PDE11A: variants seen among roughly 807,000 people sequenced by gnomAD.
PDE11A encodes phosphodiesterase 11A.
A neutral mutation model predicts 100.5 loss-of-function variants in PDE11A; 100 were observed. That is an observed-to-expected ratio of 1.00 (90% CI 0.85 to 1.18). PDE11A has a LOEUF of 1.18. Ranked by LOEUF, PDE11A falls within the 50% of genes most tolerant of loss-of-function variation. The pLI, the probability that PDE11A is intolerant of heterozygous loss-of-function variation, is 0.00. For missense variants in PDE11A, 1,141 were observed against 1,152.6 expected, an observed-to-expected ratio of 0.99 and a Z score of 0.15; for synonymous variants, 381 against 420.8, an observed-to-expected ratio of 0.91 and a Z score of 1.16.
intron 1 of PDE11A, among the ~76,000 whole-genome samples, chr2:178,052,586 G>T (rs1459965241): frequency 6.6e-6 from 1 of 151,394 alleles, no homozygotes; most frequent in East Asian, 1.9e-4. Context: ...CTGGTTTTTT[G>T]AAAAGATCAA....
At chr2:177,736,667 C>A (rs1485158206) in intron 10 of PDE11A, among the ~76,000 whole-genome samples, 3 of 152,264 alleles carry the variant, frequency 2.0e-5, no homozygotes, top group Middle Eastern at 3.4e-3. Flanking sequence ...ATGCACCTAG[C>A]AAAGGACCCC....
chr2:178,030,951 A>T (rs559632828), intron 1 of PDE11A, among the ~76,000 whole-genome samples: 2 of 152,032 alleles, frequency 1.3e-5, no homozygotes, highest in East Asian at 3.9e-4. Flanking sequence ...TTTGTGAAAC[A>T]AATCAGACAA....
intron 2 of PDE11A, among the ~76,000 whole-genome samples, chr2:177,945,934 GC>G (rs1318671499): frequency 7.3e-6 from 1 of 137,432 alleles, no homozygotes; most frequent in East Asian, 2.4e-4. Flanking sequence ...GGGTGCCTCT[GC>G]CCGCCCGCCC....
In PDE11A at chr2:177,898,199, C is replaced by G; in HGVS notation, c.1162-1G>C. On this transcript the variant is annotated splice_acceptor_variant, in intron 3 of 19. Transcript: ENST00000286063. LOFTEE classifies it high-confidence loss of function. ...GGTCATTAACCACCTCTAGCAAAGC[C>G]TAGAAAAGATGAAATAGATGTATAT... is the stretch of plus-strand genomic sequence containing the variant. 1 of 1,604,902 alleles carries G rather than the reference C, an allele frequency of 6.2e-7. No individual in the cohort carries two copies. The highest frequency in any genetic ancestry group is 8.5e-7 in the Non-Finnish European group (1 of 1,171,856).
chr2:177,869,655 A>T (rs1417038688), intron 5 of PDE11A, among the ~76,000 whole-genome samples: 1 of 152,154 alleles, frequency 6.6e-6, no homozygotes, highest in Non-Finnish European at 1.5e-5. Context: ...TTGGCTTGTA[A>T]TGTAACGTGA....
intron 1 of PDE11A, among the ~76,000 whole-genome samples, chr2:178,032,364 G>A (rs996217707): frequency 6.6e-6 from 1 of 151,986 alleles, no homozygotes; most frequent in Non-Finnish European, 1.5e-5. Context: ...CATGCCTGTA[G>A]TCCCAGCTAC....
At position 177,700,250 on chromosome 2, in the gene PDE11A, C is replaced by A. The variant is rs534178634; in HGVS notation, c.2244+871G>T. ...CCTCCATGATATTGCAAAAGACATG[C>A]TTTCTCAAGATAGGCTGGAGGTAAA... On this transcript the variant is annotated intron_variant, in intron 14 of 19. Transcript: ENST00000286063. Among the ~76,000 whole-genome samples the A allele has an allele frequency of 3.9e-5, 6 of 152,122 alleles. No homozygotes were observed. The South Asian group carries it at 1.2e-3, about 32-fold the overall frequency.
At chr2:177,763,540 G>A (rs1392250088) in intron 10 of PDE11A, among the ~76,000 whole-genome samples, 1 of 152,178 alleles carries the variant, frequency 6.6e-6, no homozygotes, top group Middle Eastern at 3.2e-3. Flanking sequence ...CCCGGCTGTG[G>A]AGGAGCCTCT....
chr2:177,881,392 T>C (rs376115320), intron 4 of PDE11A, among the ~76,000 whole-genome samples: 221 of 141,616 alleles, frequency 1.6e-3, no homozygotes, highest in African/African-American at 5.6e-3. Context: ...TCTATCCATC[T>C]ATCTATCTAG....
At chr2:177,899,662 T>C (rs1409579492) in intron 3 of PDE11A, 1 of 186,070 alleles carries the variant, frequency 5.4e-6, no homozygotes, top group Non-Finnish European at 1.1e-5. Flanking sequence ...ATATGTAATT[T>C]ACATTTAGTC....
At position 178,017,817 on chromosome 2, in the gene PDE11A, G is replaced by A. The variant is rs550862312; in HGVS notation, c.913-3357C>T. 1.8e-4 allele frequency among the ~76,000 whole-genome samples: 27 copies of A among 152,122 alleles called. No homozygotes were observed. The South Asian group carries it at 2.3e-3, about 13-fold the overall frequency. On this transcript the variant is annotated intron_variant, in intron 1 of 19. Coordinates refer to ENST00000286063, the MANE Select transcript of PDE11A (RefSeq NM_016953.4). ...CTACTAAAAATACAAAAAATTAGCC[G>A]GGCGTGGTGCCAGGTGCCTGTAGTT...
rs1461434839 is a variant in PDE11A, at chr2:177,986,743, A to G, written c.1071+27559T>C. Among the ~76,000 whole-genome samples the G allele has an allele frequency of 2.6e-5, 4 of 152,032 alleles. No homozygotes were observed. The South Asian group carries it at 8.3e-4, about 32-fold the overall frequency. On this transcript the variant is annotated intron_variant, in intron 2 of 19. Transcript: ENST00000286063. ...CTACTCAGGAGGCTGAGGCAGGAGAATCGCTTGAACACGGGAGGCAGAGGT... is the reference window on the plus strand; with the variant it reads ...CTACTCAGGAGGCTGAGGCAGGAGAGTCGCTTGAACACGGGAGGCAGAGGT...
chr2:177,727,787 G>C (rs1205772112), intron 11 of PDE11A, 22 bp from the exon 12 acceptor site: 1 of 1,400,256 alleles, frequency 7.1e-7, no homozygotes, highest in Non-Finnish European at 1.0e-6. Context: ...GGGAGAGGGT[G>C]CGTCAGGCAG....
At chr2:177,893,765 A>G (rs1210073498) in intron 4 of PDE11A, among the ~76,000 whole-genome samples, 1 of 152,200 alleles carries the variant, frequency 6.6e-6, no homozygotes, top group Non-Finnish European at 1.5e-5. Context: ...TGCTAGTGAT[A>G]TGTTCATTGA....
Position 178,060,481 on chromosome 2 carries a change from T to A in PDE11A, c.912+11045A>T, listed in dbSNP as rs530605099. 5.9e-5 allele frequency among the ~76,000 whole-genome samples: 9 copies of A among 152,284 alleles called. No individual in the cohort carries two copies. The East Asian group carries it at 1.7e-3, about 29-fold the overall frequency. On this transcript the variant is annotated intron_variant, in intron 1 of 19. Coordinates refer to ENST00000286063, the MANE Select transcript of PDE11A (RefSeq NM_016953.4). Reference sequence around the variant, plus strand: ...AGCCCAAACAAAGTGACAAACAGTGTTAAGCACTTTTCAGGTTTAATCTTG... The same window carrying A: ...AGCCCAAACAAAGTGACAAACAGTGATAAGCACTTTTCAGGTTTAATCTTG...
At chr2:178,074,944 G>A (rs554471009), upstream of PDE11A, among the ~76,000 whole-genome samples, 2 of 152,180 alleles carry the variant, frequency 1.3e-5, no homozygotes, top group Non-Finnish European at 2.9e-5. Context: ...ATAATAAGAT[G>A]TGTGTTGGTG....
intron 5 of PDE11A, among the ~76,000 whole-genome samples, chr2:177,850,223 T>C (rs191368551): frequency 0.01 from 1,537 of 152,158 alleles, 12 homozygotes; most frequent in Non-Finnish European, 0.017. Flanking sequence ...CCCTCAGAAA[T>C]ACTACCACAC....
At chr2:177,646,363 A>C (rs1030922699) in intron 19 of PDE11A, among the ~76,000 whole-genome samples, 2 of 152,214 alleles carry the variant, frequency 1.3e-5, no homozygotes, top group Admixed American at 6.5e-5. Flanking sequence ...AACATGAATT[A>C]ACTACTGAGT....
intron 10 of PDE11A, among the ~76,000 whole-genome samples, chr2:177,732,026 A>T (rs999480405): frequency 2.6e-5 from 4 of 152,222 alleles, no homozygotes; most frequent in Non-Finnish European, 5.9e-5. Flanking sequence ...TCCAAAAATA[A>T]ATGAAGTTAT....
Sources: allele counts gnomAD v4.1 joint callset (sites outside exome capture counted in the v4.1 genomes callset), GRCh38; gene constraint gnomAD v4.1.1; transcripts MANE v1.5; gene names NCBI Gene and HGNC (gene_info 2026-07-23, HGNC 2026-07-21).